The following LRRC7 variants were observed in gnomAD, a reference collection of about 807,000 sequenced individuals.
LRRC7 encodes the protein leucine-rich repeat-containing protein 7.
Under a neutral mutation model 175.7 loss-of-function variants are expected in LRRC7, and 23 were observed. That is an observed-to-expected ratio of 0.13 (90% CI 0.09 to 0.19). The LOEUF (loss-of-function observed/expected upper bound fraction) is 0.19. LRRC7 is among the 10% of genes least tolerant of loss of function. LRRC7 has a pLI of 1.00. For missense variants in LRRC7, 1,354 were observed against 1,904.7 expected (o/e 0.71, Z 5.38); for synonymous variants, 685 against 680.9 (o/e 1.01, Z -0.09).
intron 1 of LRRC7, among the ~76,000 whole-genome samples, chr1:69,667,959 T>A (rs1451640154): frequency 6.6e-6 from 1 of 152,142 alleles, no homozygotes; most frequent in African/African-American, 2.4e-5. Flanking sequence ...TGCTTTTTAT[T>A]TTTTGTGTAC....
At chr1:69,818,261 CTTTTATTG>C (rs1299240352) in intron 4 of LRRC7, among the ~76,000 whole-genome samples, 3 of 151,958 alleles carry the variant, frequency 2.0e-5, no homozygotes, top group African/African-American at 7.2e-5. Flanking sequence ...TCATATGTGG[CTTTTATTG>C]TGTTGAAGTA....
rs997465646 is a variant in LRRC7, at chr1:69,645,818, T to C, written c.3-32563T>C. Among the ~76,000 whole-genome samples, 25 of 152,112 alleles carry C rather than the reference T, an allele frequency of 1.6e-4. 1 individual carries two copies. Among genetic ancestry groups the C allele is most frequent in the Admixed American group, 1.1e-3 (17 of 15,248 alleles). ...ATGAGGTTTTATAAAAGTGATACCA[T>C]AAAATGTTCCAATTGTTTTGGTTTG... On this transcript the variant is annotated intron_variant, in intron 1 of 26. Transcript: ENST00000651989.
chr1:70,020,857 T>C lies in LRRC7; in HGVS notation c.1421-148T>C, dbSNP rs919111513. Reference sequence around the variant, plus strand: ...TCAAGGGAATTTTATTCTTTTCTCTTTCCTTCTTTCTCTTTCTTTTTTTCT... The same window carrying C: ...TCAAGGGAATTTTATTCTTTTCTCTCTCCTTCTTTCTCTTTCTTTTTTTCT... On this transcript the variant is annotated intron_variant, in intron 15 of 26. Transcript: ENST00000651989. The C allele has an allele frequency of 1.5e-5, 8 of 545,956 alleles. No homozygotes were observed. The Admixed American group carries it at 2.6e-4, about 18-fold the overall frequency. 33.8% of individuals were successfully genotyped at this position (545,956 alleles called of 1,614,324 possible). A position where few individuals can be genotyped will look rare whatever the true frequency, so the allele number is the denominator to read the frequency against.
intron 7 of LRRC7, among the ~76,000 whole-genome samples, chr1:69,876,474 C>T (rs1324537186): frequency 6.6e-6 from 1 of 152,128 alleles, no homozygotes; most frequent in Non-Finnish European, 1.5e-5. Flanking sequence ...AAAAATATAG[C>T]ATCTGGAGGT....
At chr1:69,930,059 C>T (rs959587240) in intron 7 of LRRC7, among the ~76,000 whole-genome samples, 1 of 131,080 alleles carries the variant, frequency 7.6e-6, no homozygotes, top group Non-Finnish European at 1.8e-5. Flanking sequence ...AAATTAAATC[C>T]TTATATGAAT....
rs368780409 is a variant in LRRC7, at chr1:69,905,504, G to A, written c.648-26003G>A. Among the ~76,000 whole-genome samples the A allele has an allele frequency of 3.5e-4, 53 of 152,128 alleles. No individual in the cohort carries two copies. In the South Asian group the frequency reaches 5.8e-3, roughly 17 times the overall value. On this transcript the variant is annotated intron_variant, in intron 7 of 26. Transcript: ENST00000651989. The stretch of plus-strand genomic sequence containing the variant: ...TTCCCACCTATGAGTGAGAACATGC[G>A]GTGTTTCCTTTTTTGTCCTTGCGAG...
At chr1:69,802,509 T>C (rs1010453535) in intron 4 of LRRC7, among the ~76,000 whole-genome samples, 2 of 151,492 alleles carry the variant, frequency 1.3e-5, no homozygotes, top group African/African-American at 4.8e-5. Context: ...TTAAAGTCTG[T>C]TTTATCTGAC....
intron 7 of LRRC7, among the ~76,000 whole-genome samples, chr1:69,858,042 A>G (rs919707558): frequency 1.3e-5 from 2 of 152,192 alleles, no homozygotes; most frequent in African/African-American, 4.8e-5. Context: ...TGGTGCTGGG[A>G]AAACTGGCTA....
chr1:69,937,036 T>A lies in LRRC7; in HGVS notation c.711+5466T>A, dbSNP rs1018862203. 5.9e-5 allele frequency among the ~76,000 whole-genome samples: 9 copies of A among 152,142 alleles called. No homozygotes were observed. The East Asian group carries it at 7.7e-4, about 13-fold the overall frequency. ...AAAAGTTATTGCAGGTTTTTTTTAC[T>A]TATATCTAGCTATCTGCTAAACCCT... On this transcript the variant is annotated intron_variant, in intron 8 of 26. Coordinates refer to ENST00000651989, the MANE Select transcript of LRRC7 (RefSeq NM_001370785.2).
chr1:69,777,753 C>T (rs1366957813), intron 3 of LRRC7, among the ~76,000 whole-genome samples: 1 of 152,184 alleles, frequency 6.6e-6, no homozygotes, highest in Non-Finnish European at 1.5e-5. Flanking sequence ...ATCTATCTCA[C>T]CTCTCCATCC....
chr1:69,900,202 G>A (rs2101665434), intron 7 of LRRC7, among the ~76,000 whole-genome samples: 1 of 152,304 alleles, frequency 6.6e-6, no homozygotes, highest in East Asian at 1.9e-4. Context: ...ATTACTGATA[G>A]GAGTCTGTTG....
chr1:69,796,545 G>A (rs1038011663), intron 4 of LRRC7, among the ~76,000 whole-genome samples: 3 of 152,172 alleles, frequency 2.0e-5, no homozygotes, highest in African/African-American at 7.2e-5. Context: ...AGTACTTTGG[G>A]AGGCCGAGGT....
chr1:69,909,999 T>G (rs1307480845), intron 7 of LRRC7, among the ~76,000 whole-genome samples: 1 of 152,222 alleles, frequency 6.6e-6, no homozygotes, highest in Non-Finnish European at 1.5e-5. Context: ...TAAACTTCCC[T>G]TCTTGCTTCA....
At chr1:70,061,009 G>T (rs1272966035) in intron 23 of LRRC7, among the ~76,000 whole-genome samples, 2 of 152,050 alleles carry the variant, frequency 1.3e-5, no homozygotes, top group Non-Finnish European at 2.9e-5. Flanking sequence ...CCATCACTGG[G>T]AGTAATACCA....
At chr1:69,885,828 G>A (rs1481404851) in intron 7 of LRRC7, among the ~76,000 whole-genome samples, 4 of 141,100 alleles carry the variant, frequency 2.8e-5, no homozygotes, top group Admixed American at 7.2e-5. Flanking sequence ...CTTTGTTCTC[G>A]TTAGTTTCAA....
At chr1:70,012,867 A>G (rs2101954598) in intron 12 of LRRC7, 107 bp from the exon 13 acceptor site, 1 of 489,062 alleles carries the variant, frequency 2.0e-6, no homozygotes, top group East Asian at 4.5e-5. Flanking sequence ...ACATGTTAAA[A>G]GTTAAAAATA....
intron 2 of LRRC7, among the ~76,000 whole-genome samples, chr1:69,694,083 G>A (rs913155631): frequency 3.9e-5 from 6 of 152,058 alleles, no homozygotes; most frequent in Admixed American, 3.9e-4. Flanking sequence ...TTCTCATGAA[G>A]TCACCATCAA....
At chr1:69,857,283 G>A (rs1215888233) in intron 7 of LRRC7, among the ~76,000 whole-genome samples, 2 of 152,068 alleles carry the variant, frequency 1.3e-5, no homozygotes. Flanking sequence ...GCAGGAGAAA[G>A]AAATAAAGGG....
intron 2 of LRRC7, among the ~76,000 whole-genome samples, chr1:69,714,408 T>TCA (rs758999823): frequency 4.6e-5 from 7 of 152,210 alleles, no homozygotes; most frequent in Non-Finnish European, 8.8e-5. Context: ...TACAGTTTAG[T>TCA]CATTTGATGT....
Sources: gnomAD v4.1 joint callset for allele counts (sites outside exome capture counted in the v4.1 genomes callset) on GRCh38, gnomAD v4.1.1 for gene constraint, MANE v1.5 for transcripts, NCBI Gene and HGNC (gene_info 2026-07-23, HGNC 2026-07-21) for gene names.